The following ARK2C variants were observed in gnomAD, a reference collection of about 807,000 sequenced individuals.
ARK2C encodes arkadia (RNF111) C-terminal like ring finger ubiquitin ligase 2C.
chr18:46,446,361 T>C, the ARK2C span, among the ~76,000 whole-genome samples: 13 of 152,260 alleles, frequency 8.5e-5, no homozygotes, highest in Admixed American at 7.2e-4. Context: ...TCTTTTCATT[T>C]ATTTACTAGT....
chr18:46,404,897 A>G, the ARK2C span, among the ~76,000 whole-genome samples: 1 of 152,174 alleles, frequency 6.6e-6, no homozygotes, highest in Non-Finnish European at 1.5e-5. Context: ...TAGGAAGTTC[A>G]GAGAAGTTAC....
At chr18:46,456,367 C>T in the ARK2C span, 9 of 671,486 alleles carry the variant, frequency 1.3e-5, no homozygotes, top group African/African-American at 7.1e-5. Flanking sequence ...GATCTGAAAG[C>T]GCTTCCTGGC....
the ARK2C span, among the ~76,000 whole-genome samples, chr18:46,346,758 C>T: frequency 4.6e-5 from 7 of 152,208 alleles, no homozygotes; most frequent in Admixed American, 3.3e-4. Flanking sequence ...TCCCACCACA[C>T]ACCCCACTTC....
At chr18:46,433,245 C>A in the ARK2C span, 2 of 1,607,622 alleles carry the variant, frequency 1.2e-6, no homozygotes, top group African/African-American at 1.3e-5. Flanking sequence ...GCCACTTCCA[C>A]CTGGGCCCCC....
chr18:46,392,058 C>G, the ARK2C span, among the ~76,000 whole-genome samples: 1 of 151,700 alleles, frequency 6.6e-6, no homozygotes, highest in African/African-American at 2.4e-5. Context: ...AACACACACA[C>G]CACACACAAT....
the ARK2C span, among the ~76,000 whole-genome samples, chr18:46,388,350 T>C: frequency 2.6e-5 from 4 of 152,226 alleles, no homozygotes; most frequent in African/African-American, 9.6e-5. Flanking sequence ...AAACCTTGTT[T>C]AACTTTTTCA....
At chr18:46,457,393 T>A in the ARK2C span, 1 of 152,564 alleles carries the variant, frequency 6.6e-6, no homozygotes, top group Non-Finnish European at 1.5e-5. Flanking sequence ...GCACGGAGTG[T>A]GGAAGGGGGT....
chr18:46,447,410 G>A, the ARK2C span: 1 of 787,142 alleles, frequency 1.3e-6, no homozygotes, highest in East Asian at 2.5e-5. Context: ...CCTTCCCTCT[G>A]AAGAGAGAGG....
chr18:46,358,220 C>T, the ARK2C span, among the ~76,000 whole-genome samples: 5 of 152,134 alleles, frequency 3.3e-5, no homozygotes, highest in African/African-American at 7.2e-5. Flanking sequence ...GGGCTGCAAG[C>T]GTTCAGAGAA....
the ARK2C span, chr18:46,461,967 C>T: frequency 6.6e-6 from 1 of 152,198 alleles, no homozygotes; most frequent in Admixed American, 6.5e-5. Context: ...GATTGGCACC[C>T]CTATCCTATC....
At chr18:46,371,268 C>G in the ARK2C span, among the ~76,000 whole-genome samples, 1 of 152,250 alleles carries the variant, frequency 6.6e-6, no homozygotes, top group South Asian at 2.1e-4. Context: ...CATGGGGACA[C>G]AGCCAAACCC....
chr18:46,400,541 T>C, the ARK2C span, among the ~76,000 whole-genome samples: 1 of 152,256 alleles, frequency 6.6e-6, no homozygotes, highest in East Asian at 1.9e-4. Context: ...GTTAAGTGTT[T>C]GGGGAACAGA....
At chr18:46,456,193 C>T in the ARK2C span, 2 of 720,736 alleles carry the variant, frequency 2.8e-6, no homozygotes, top group East Asian at 2.7e-5. Context: ...ACGTATGTGC[C>T]AAGTGTGCTA....
At chr18:46,334,485 G>C in the ARK2C span, 1 of 615,322 alleles carries the variant, frequency 1.6e-6, no homozygotes, top group South Asian at 3.5e-5. The surrounding 1 kb of genome is among the most constrained non-coding windows in gnomAD (Gnocchi z 4.4). Context: ...ATTTTAGGGG[G>C]ACCCCCGAGG....
chr18:46,372,660 TG>T, the ARK2C span, among the ~76,000 whole-genome samples: 1 of 151,766 alleles, frequency 6.6e-6, no homozygotes. Context: ...CTGTTAGAAT[TG>T]GGGGGCAGAG....
At chr18:46,379,092 G>A in the ARK2C span, among the ~76,000 whole-genome samples, 1 of 152,224 alleles carries the variant, frequency 6.6e-6, no homozygotes, top group Non-Finnish European at 1.5e-5. Flanking sequence ...GGGCAATGAA[G>A]GAAAGGGAAG....
the ARK2C span, among the ~76,000 whole-genome samples, chr18:46,385,167 G>C: frequency 6.6e-6 from 1 of 152,208 alleles, no homozygotes; most frequent in Non-Finnish European, 1.5e-5. Flanking sequence ...TGTTGGGTTA[G>C]AGAATATGTT....
At chr18:46,337,075 G>A in the ARK2C span, 1 of 985,340 alleles carries the variant, frequency 1.0e-6, no homozygotes, top group African/African-American at 1.7e-5. Context: ...GCTCCCTTCT[G>A]CTGCTCGCCA....
chr18:46,445,697 C>CA, the ARK2C span, among the ~76,000 whole-genome samples: 2 of 152,214 alleles, frequency 1.3e-5, no homozygotes, highest in East Asian at 3.9e-4. Context: ...TGCCTTCATG[C>CA]AAAAAACTAG....
Sources: gnomAD v4.1 joint callset for allele counts (sites outside exome capture counted in the v4.1 genomes callset) on GRCh38, gnomAD v4.1.1 for gene constraint, Gnocchi (gnomAD v3.1) non-coding constraint, MANE v1.5 for transcripts, NCBI Gene and HGNC (gene_info 2026-07-23, HGNC 2026-07-21) for gene names.